The following RNF220 variants were observed in gnomAD, a reference collection of about 807,000 sequenced individuals.
The protein encoded by RNF220 is ring finger protein 220, also known as E3 ubiquitin-protein ligase RNF220.
RNF220 carries 7 observed loss-of-function variants against 67.1 expected under a neutral mutation model. The ratio of observed to expected loss-of-function variants is 0.10; its 90% CI spans 0.06 to 0.20. The LOEUF is 0.20. Ranked by LOEUF, RNF220 falls within the 10% of genes least tolerant of loss-of-function variation. The pLI is 1.00. For missense variants in RNF220, 565 were observed against 740.3 expected, an observed-to-expected ratio of 0.76 and a Z score of 2.75; for synonymous variants, 270 against 283.2, an observed-to-expected ratio of 0.95 and a Z score of 0.47.
chr1:44,424,913 G>A (rs1649602110), intron 2 of RNF220, among the ~76,000 whole-genome samples: 1 of 152,244 alleles, frequency 6.6e-6, no homozygotes, highest in Non-Finnish European at 1.5e-5. Context: ...CTGTTGCTCT[G>A]CCGAGAAGGG....
At chr1:44,482,644 CAG>C (rs1655922911) in intron 2 of RNF220, among the ~76,000 whole-genome samples, 3 of 151,476 alleles carry the variant, frequency 2.0e-5, no homozygotes, top group African/African-American at 7.3e-5. Flanking sequence ...TTTTTTTAGA[CAG>C]AGTCTTGCTC....
intron 2 of RNF220, among the ~76,000 whole-genome samples, chr1:44,577,566 G>C (rs971414536): frequency 6.6e-6 from 1 of 152,264 alleles, no homozygotes; most frequent in South Asian, 2.1e-4. Flanking sequence ...AAATAGTGAC[G>C]AACAAAACCC....
chr1:44,554,524 G>T (rs1401533908), intron 2 of RNF220, among the ~76,000 whole-genome samples: 2 of 152,054 alleles, frequency 1.3e-5, no homozygotes, highest in Admixed American at 1.3e-4. Context: ...GGAGAAAAAA[G>T]CTCCAATGTC....
At chr1:44,544,471 T>C (rs900611340) in intron 2 of RNF220, among the ~76,000 whole-genome samples, 2 of 152,224 alleles carry the variant, frequency 1.3e-5, no homozygotes, top group African/African-American at 4.8e-5. Flanking sequence ...AGTTCATGCA[T>C]GTAAGTGCTG....
At chr1:44,528,482 A>G (rs969047598) in intron 2 of RNF220, among the ~76,000 whole-genome samples, 3 of 151,768 alleles carry the variant, frequency 2.0e-5, no homozygotes, top group Non-Finnish European at 4.4e-5. Flanking sequence ...TTGTATTTTT[A>G]GTAGAGATGG....
At chr1:44,474,435 G>A (rs1655111701) in intron 2 of RNF220, among the ~76,000 whole-genome samples, 2 of 148,248 alleles carry the variant, frequency 1.3e-5, no homozygotes, top group African/African-American at 5.0e-5. Context: ...GGCTGGGAGT[G>A]GTATGGCTCA....
At chr1:44,613,764 C>T (rs1643419304) in intron 2 of RNF220, among the ~76,000 whole-genome samples, 2 of 152,184 alleles carry the variant, frequency 1.3e-5, no homozygotes, top group African/African-American at 2.4e-5. Flanking sequence ...GTAATCCCAA[C>T]TACTCAGGAG....
chr1:44,473,146 T>C (rs924864225), intron 2 of RNF220, among the ~76,000 whole-genome samples: 3 of 152,166 alleles, frequency 2.0e-5, no homozygotes, highest in African/African-American at 7.2e-5. Flanking sequence ...GGCCCCTTCC[T>C]TCTCCCGTCT....
At chr1:44,532,174 G>C (rs1293111316) in intron 2 of RNF220, among the ~76,000 whole-genome samples, 1 of 152,128 alleles carries the variant, frequency 6.6e-6, no homozygotes, top group African/African-American at 2.4e-5. Context: ...CACAAAGAAT[G>C]GTGCCCAGAC....
At chr1:44,416,434 T>G (rs1270386296) in intron 2 of RNF220, among the ~76,000 whole-genome samples, 1 of 152,254 alleles carries the variant, frequency 6.6e-6, no homozygotes, top group Non-Finnish European at 1.5e-5. Flanking sequence ...GTCTGCTGTC[T>G]TGTGTTAGAA....
intron 2 of RNF220, among the ~76,000 whole-genome samples, chr1:44,517,999 T>C (rs141548082): frequency 0.022 from 3,286 of 152,106 alleles, 124 homozygotes; most frequent in African/African-American, 0.073. Context: ...TCCAGCTACT[T>C]GGGAGGCTGA....
chr1:44,532,550 A>T (rs954650808), intron 2 of RNF220, among the ~76,000 whole-genome samples: 2 of 152,210 alleles, frequency 1.3e-5, no homozygotes, highest in African/African-American at 4.8e-5. Context: ...AGCTGAAGTT[A>T]AGAAAGGGAA....
intron 2 of RNF220, among the ~76,000 whole-genome samples, chr1:44,429,123 TTTTC>T (rs1483843014): frequency 6.6e-6 from 1 of 152,082 alleles, no homozygotes; most frequent in Non-Finnish European, 1.5e-5. Flanking sequence ...TGGATTTTTT[TTTTC>T]TTTCCTTCCA....
rs1286319599 is a variant in RNF220 at position 44,417,479 on chromosome 1, C to G, written c.625+4757C>G. On this transcript the variant is annotated intron_variant, in intron 2 of 14. Coordinates refer to ENST00000361799, the MANE Select transcript of RNF220 (RefSeq NM_018150.4). This position sits in a 1 kb window ranked among gnomAD's most constrained non-coding sequence, Gnocchi z 4.0. ...TTGGCTTGGCTCGGCGCGCCGCTCGCCTGGCGGCTGGGCTCGCTGTAGTTG... is the reference window on the plus strand; with the variant it reads ...TTGGCTTGGCTCGGCGCGCCGCTCGGCTGGCGGCTGGGCTCGCTGTAGTTG... 6.6e-6 allele frequency among the ~76,000 whole-genome samples: 1 copy of G among 151,944 alleles called. No individual in the cohort carries two copies. Among genetic ancestry groups the G allele is most frequent in the Non-Finnish European group, 1.5e-5 (1 of 67,970 alleles).
chr1:44,415,142 C>T (rs1648391315), intron 2 of RNF220, among the ~76,000 whole-genome samples: 1 of 150,528 alleles, frequency 6.6e-6, no homozygotes. Context: ...GTTGAAGAGG[C>T]ACTAAGACAA....
rs551114391 is a variant in RNF220, at chr1:44,513,312, G to A, written c.625+100590G>A. On this transcript the variant is annotated intron_variant, in intron 2 of 14. Coordinates refer to ENST00000361799, the MANE Select transcript of RNF220 (RefSeq NM_018150.4). ...CAGGGTGTGGCGTCCCTGGGGTCCC[G>A]AGCCTGGCCCATGGGGGCCAGCCAG... Among the ~76,000 whole-genome samples, 4 of 152,284 alleles carry A rather than the reference G, an allele frequency of 2.6e-5. No individual in the cohort carries two copies. In the South Asian group the frequency reaches 6.2e-4, roughly 24 times the overall value.
chr1:44,526,789 C>T (rs1273904906), intron 2 of RNF220, among the ~76,000 whole-genome samples: 1 of 152,138 alleles, frequency 6.6e-6, no homozygotes, highest in Non-Finnish European at 1.5e-5. Context: ...AGACATCTCA[C>T]TCACATTGCC....
At chr1:44,437,854 T>A (rs1215820660) in intron 2 of RNF220, among the ~76,000 whole-genome samples, 1 of 152,174 alleles carries the variant, frequency 6.6e-6, no homozygotes, top group African/African-American at 2.4e-5. Flanking sequence ...GAATCCTGAT[T>A]CAATCCACTG....
Position 44,645,575 on chromosome 1 carries a change from CT to C in RNF220, c.1445+89del. On this transcript the variant is annotated intron_variant, in intron 12 of 14. Transcript: ENST00000361799. This position sits in a 1 kb window ranked among gnomAD's most constrained non-coding sequence, Gnocchi z 5.0. ...CTAGCAGGAAGGCCTGCTGCCAGGG[CT>C]TCTGGCCCTCCCAAGTGCAGCTCAG... 1 of 1,353,760 alleles carries C rather than the reference CT, an allele frequency of 7.4e-7. No individual in the cohort carries two copies. The highest frequency in any genetic ancestry group is 1.0e-6 in the Non-Finnish European group (1 of 963,590). The allele number at this position is 1,353,760 out of a possible 1,614,324, so 83.9% of individuals were successfully genotyped here.
Sources: allele counts gnomAD v4.1 joint callset (sites outside exome capture counted in the v4.1 genomes callset), GRCh38; gene constraint gnomAD v4.1.1; non-coding constraint Gnocchi (gnomAD v3.1); transcripts MANE v1.5; gene names NCBI Gene and HGNC (gene_info 2026-07-23, HGNC 2026-07-21).